The following HEMK2 variants were observed in gnomAD, a reference collection of about 807,000 sequenced individuals.
HEMK2 encodes the protein HemK methyltransferase 2, ETF1 glutamine and histone H4 lysine, also known as methyltransferase HEMK2.
the HEMK2 span, among the ~76,000 whole-genome samples, chr21:28,828,339 A>G: frequency 8.5e-5 from 13 of 152,240 alleles, no homozygotes; most frequent in South Asian, 2.7e-3. Context: ...CAAGCTAAGG[A>G]AAGAGGGGAG....
At chr21:28,777,135 A>G in the HEMK2 span, among the ~76,000 whole-genome samples, 1 of 152,202 alleles carries the variant, frequency 6.6e-6, no homozygotes, top group African/African-American at 2.4e-5. Context: ...TTTTTGATGC[A>G]AGTCACAGAC....
chr21:28,841,398 T>TATATA, the HEMK2 span, among the ~76,000 whole-genome samples: 1,143 of 36,384 alleles, frequency 0.031, 102 homozygotes, highest in African/African-American at 0.086. Flanking sequence ...TAAAATATTA[T>TATATA]ATATATAATA....
chr21:28,777,631 G>T, the HEMK2 span, among the ~76,000 whole-genome samples: 1 of 152,186 alleles, frequency 6.6e-6, no homozygotes, highest in Non-Finnish European at 1.5e-5. Flanking sequence ...GCTTAGGATA[G>T]ACCAGCAACT....
chr21:28,640,165 A>C, the HEMK2 span, among the ~76,000 whole-genome samples: 2,521 of 152,312 alleles, frequency 0.017, 69 homozygotes, highest in African/African-American at 0.056. Flanking sequence ...TGGGGAGGGA[A>C]GATATCAAGC....
At chr21:28,704,263 A>C in the HEMK2 span, among the ~76,000 whole-genome samples, 1 of 152,150 alleles carries the variant, frequency 6.6e-6, no homozygotes, top group Non-Finnish European at 1.5e-5. Flanking sequence ...ACCACATAGA[A>C]AACACTTTTT....
the HEMK2 span, among the ~76,000 whole-genome samples, chr21:28,851,148 T>C: frequency 2.6e-5 from 4 of 152,100 alleles, no homozygotes; most frequent in African/African-American, 9.7e-5. Flanking sequence ...GGCCAAGAAC[T>C]GTTTCTCAAA....
the HEMK2 span, among the ~76,000 whole-genome samples, chr21:28,776,604 C>T: frequency 2.0e-5 from 3 of 152,114 alleles, no homozygotes; most frequent in African/African-American, 7.2e-5. Flanking sequence ...CACAATGGGC[C>T]ATCTGCAAGC....
chr21:28,640,984 A>T, the HEMK2 span, among the ~76,000 whole-genome samples: 229 of 152,310 alleles, frequency 1.5e-3, 3 homozygotes, highest in East Asian at 0.033. Flanking sequence ...CCTACCGCGC[A>T]TATTGGGCTT....
At chr21:28,704,557 C>CAA in the HEMK2 span, among the ~76,000 whole-genome samples, 192 of 129,696 alleles carry the variant, frequency 1.5e-3, 2 homozygotes, top group Non-Finnish European at 2.5e-3. Flanking sequence ...AAGGTTTTGG[C>CAA]AAAAAAAAAA....
At chr21:28,857,419 A>G in the HEMK2 span, among the ~76,000 whole-genome samples, 101 of 152,254 alleles carry the variant, frequency 6.6e-4, no homozygotes, top group African/African-American at 2.4e-3. Context: ...TACATTTATT[A>G]AAGTTTATTG....
the HEMK2 span, among the ~76,000 whole-genome samples, chr21:28,848,684 T>C: frequency 8.4e-3 from 1,285 of 152,372 alleles, 17 homozygotes; most frequent in African/African-American, 0.029. Context: ...GATAAAACTA[T>C]AGTTTTCCTT....
chr21:28,623,003 G>A, the HEMK2 span, among the ~76,000 whole-genome samples: 1 of 152,092 alleles, frequency 6.6e-6, no homozygotes, highest in South Asian at 2.1e-4. Flanking sequence ...TGAAACTAAA[G>A]AGCTTCTACA....
At chr21:28,714,581 T>C in the HEMK2 span, among the ~76,000 whole-genome samples, 1 of 152,210 alleles carries the variant, frequency 6.6e-6, no homozygotes, top group Non-Finnish European at 1.5e-5. Context: ...CAAACATGGT[T>C]AATGAGTGTC....
chr21:28,773,041 G>A, the HEMK2 span, among the ~76,000 whole-genome samples: 66 of 152,066 alleles, frequency 4.3e-4, no homozygotes, highest in Non-Finnish European at 6.9e-4. Context: ...TGTTTGAAGC[G>A]GTTTGCTCAT....
the HEMK2 span, among the ~76,000 whole-genome samples, chr21:28,650,413 G>A: frequency 8.6e-5 from 13 of 152,016 alleles, no homozygotes; most frequent in Non-Finnish European, 1.9e-4. Flanking sequence ...AAATGCCATG[G>A]TCCGTTTAAT....
At chr21:28,792,706 G>A in the HEMK2 span, among the ~76,000 whole-genome samples, 10 of 152,256 alleles carry the variant, frequency 6.6e-5, no homozygotes, top group East Asian at 1.9e-4. Context: ...GCAATGCTCC[G>A]TCTTGCTTTC....
At chr21:28,746,951 G>A in the HEMK2 span, among the ~76,000 whole-genome samples, 1 of 152,204 alleles carries the variant, frequency 6.6e-6, no homozygotes, top group African/African-American at 2.4e-5. Flanking sequence ...CTATCAAAAA[G>A]ATCACTCCGG....
the HEMK2 span, among the ~76,000 whole-genome samples, chr21:28,693,190 A>G: frequency 6.6e-6 from 1 of 152,206 alleles, no homozygotes; most frequent in Non-Finnish European, 1.5e-5. Flanking sequence ...AAATATATGT[A>G]TAATGTAGAT....
chr21:28,813,849 G>C, the HEMK2 span, among the ~76,000 whole-genome samples: 2 of 152,058 alleles, frequency 1.3e-5, no homozygotes, highest in Non-Finnish European at 2.9e-5. Flanking sequence ...TTTAACAAAG[G>C]GTGTTCAGAA....
Sources: gnomAD v4.1 joint callset for allele counts (sites outside exome capture counted in the v4.1 genomes callset) on GRCh38, gnomAD v4.1.1 for gene constraint, MANE v1.5 for transcripts, NCBI Gene and HGNC (gene_info 2026-07-23, HGNC 2026-07-21) for gene names.